The following EPM2A variants were observed in gnomAD, a reference collection of about 807,000 sequenced individuals.
The protein encoded by EPM2A is laforin.
EPM2A carries 21 observed loss-of-function variants against 26.5 expected under a neutral mutation model. That is an observed-to-expected ratio of 0.79 (90% CI 0.56 to 1.14). The LOEUF (loss-of-function observed/expected upper bound fraction) is 1.14, where lower values mean the gene tolerates loss of function less well. Ranked by LOEUF, EPM2A falls within the 50% of genes most tolerant of loss-of-function variation. The pLI, the probability that EPM2A is intolerant of heterozygous loss-of-function variation, is 0.00. For synonymous variants in EPM2A, 217 were observed against 177.6 expected, an observed-to-expected ratio of 1.22 and a Z score of -1.76; for missense variants, 458 against 440.8, an observed-to-expected ratio of 1.04 and a Z score of -0.35.
At chr6:145,578,194 G>C (rs1357971308) in intron 2 of EPM2A, among the ~76,000 whole-genome samples, 1 of 151,874 alleles carries the variant, frequency 6.6e-6, no homozygotes, top group Non-Finnish European at 1.5e-5. Context: ...AAATAATAAA[G>C]GTCAGTGCAG....
chr6:145,699,129 G>C (rs1781775841), intron 1 of EPM2A, among the ~76,000 whole-genome samples: 1 of 152,266 alleles, frequency 6.6e-6, no homozygotes, highest in South Asian at 2.1e-4. Flanking sequence ...TTGAGAGCTT[G>C]TTATGTATCC....
At chr6:145,418,183 C>G (rs557195655) in intron 4 of EPM2A, among the ~76,000 whole-genome samples, 2 of 152,310 alleles carry the variant, frequency 1.3e-5, no homozygotes, top group African/African-American at 4.8e-5. Flanking sequence ...CACCACTAAT[C>G]TACTGCACAC....
At chr6:145,501,322 A>G (rs1779886766), downstream of EPM2A, among the ~76,000 whole-genome samples, 1 of 152,224 alleles carries the variant, frequency 6.6e-6, no homozygotes, top group Non-Finnish European at 1.5e-5. Flanking sequence ...TGGTGGCATC[A>G]CAGAATGTTG....
At chr6:145,515,774 A>T (rs1447947730) in intron 2 of EPM2A, among the ~76,000 whole-genome samples, 2 of 152,224 alleles carry the variant, frequency 1.3e-5, no homozygotes, top group African/African-American at 4.8e-5. Flanking sequence ...TAACTAAATT[A>T]GACTAGAGCC....
Position 145,625,615 on chromosome 6 carries a change from T to A in EPM2A, c.*1801A>T. On this transcript the variant is annotated 3_prime_UTR_variant, in exon 4 of 4. Transcript: ENST00000367519. ...TGTAAATGAGTTACCTGAATACCAA[T>A]TATTACCTCTAGTTATTTTTAGCAA... The A allele has an allele frequency of 1.4e-6, 1 of 717,816 alleles. No homozygotes were observed. The highest frequency in any genetic ancestry group is 1.5e-5 in the South Asian group (1 of 67,486). 44.5% of individuals were successfully genotyped at this position (717,816 alleles called of 1,614,324 possible).
At chr6:145,668,081 G>A (rs1176752728) in intron 2 of EPM2A, among the ~76,000 whole-genome samples, 2 of 149,804 alleles carry the variant, frequency 1.3e-5, no homozygotes, top group African/African-American at 2.5e-5. Flanking sequence ...GAGTTAGTGG[G>A]TGCAGCGCAC....
At chr6:145,578,498 A>G (rs1781067608) in intron 2 of EPM2A, among the ~76,000 whole-genome samples, 2 of 152,166 alleles carry the variant, frequency 1.3e-5, no homozygotes, top group African/African-American at 4.8e-5. Flanking sequence ...ATGAAGAAAT[A>G]GAAAACCTGA....
intron 1 of EPM2A, 73 bp downstream of exon 1, chr6:145,735,125 G>A (rs1424320596): frequency 2.5e-6 from 3 of 1,213,840 alleles, no homozygotes; most frequent in Non-Finnish European, 1.1e-6. Flanking sequence ...GCCTGCCCGA[G>A]GCCGAGGCCC....
intron 3 of EPM2A, 160 bp from the exon 4 acceptor site, chr6:145,627,853 C>T: frequency 9.7e-7 from 1 of 1,027,908 alleles, no homozygotes; most frequent in Non-Finnish European, 1.4e-6. Context: ...AAAGTGAGAC[C>T]ATTTTACAAT....
chr6:145,656,025 G>A lies in EPM2A; in HGVS notation c.477-20539C>T, dbSNP rs575754101. ...CTATTTTTTCTGCAAGATTTGAAAC[G>A]GAAATGTTCAGAGCAAGTCAAAAAA... On this transcript the variant is annotated intron_variant, in intron 2 of 3. Coordinates refer to ENST00000367519, the MANE Select transcript of EPM2A (RefSeq NM_005670.4). Among the ~76,000 whole-genome samples the A allele has an allele frequency of 8.0e-4, 121 of 152,176 alleles. 1 individual carries two copies. The highest frequency in any genetic ancestry group is 2.4e-3 in the Admixed American group (37 of 15,282).
chr6:145,445,658 CA>C (rs2114704489), intron 4 of EPM2A, among the ~76,000 whole-genome samples: 1 of 152,276 alleles, frequency 6.6e-6, no homozygotes, highest in South Asian at 2.1e-4. Context: ...TTGATTATGA[CA>C]GTTCTGACCT....
intron 2 of EPM2A, among the ~76,000 whole-genome samples, chr6:145,610,095 A>G (rs939861686): frequency 6.6e-6 from 1 of 151,970 alleles, no homozygotes; most frequent in Non-Finnish European, 1.5e-5. Context: ...CGCGCCTGTA[A>G]TCCCAGCTAC....
chr6:145,599,746 G>A (rs943490727), intron 2 of EPM2A, among the ~76,000 whole-genome samples: 4 of 151,860 alleles, frequency 2.6e-5, no homozygotes, highest in African/African-American at 9.7e-5. Context: ...AGAGTCCTTT[G>A]AGCATGGATT....
At chr6:145,448,663 C>T (rs1779155290) in intron 4 of EPM2A, among the ~76,000 whole-genome samples, 1 of 152,080 alleles carries the variant, frequency 6.6e-6, no homozygotes, top group Admixed American at 6.5e-5. Flanking sequence ...ACAGCTAGAC[C>T]ATAAGCCAAC....
chr6:145,646,137 C>G (rs1196735271), intron 2 of EPM2A, among the ~76,000 whole-genome samples: 1 of 152,054 alleles, frequency 6.6e-6, no homozygotes, highest in Non-Finnish European at 1.5e-5. Flanking sequence ...TGTTGTTTCA[C>G]TGACAATTTA....
intron 4 of EPM2A, among the ~76,000 whole-genome samples, chr6:145,417,392 G>A (rs1317305133): frequency 2.0e-5 from 3 of 152,170 alleles, no homozygotes; most frequent in African/African-American, 7.2e-5. Flanking sequence ...ATCTCAGGCA[G>A]TTGGTTTGTC....
At chr6:145,449,429 C>T (rs1303146632) in intron 4 of EPM2A, among the ~76,000 whole-genome samples, 1 of 152,094 alleles carries the variant, frequency 6.6e-6, no homozygotes, top group Non-Finnish European at 1.5e-5. Flanking sequence ...GACAGAGATC[C>T]GTCAACTTGT....
At chr6:145,572,456 G>T (rs527348763) in intron 2 of EPM2A, among the ~76,000 whole-genome samples, 2 of 152,164 alleles carry the variant, frequency 1.3e-5, no homozygotes, top group African/African-American at 4.8e-5. Flanking sequence ...GATGATGGAT[G>T]CTGCTGTGCA....
intron 4 of EPM2A, among the ~76,000 whole-genome samples, chr6:145,388,913 T>C (rs1405747888): frequency 1.3e-5 from 2 of 152,192 alleles, no homozygotes; most frequent in Admixed American, 1.3e-4. Flanking sequence ...CAGTCTGTCA[T>C]TGATGGGCTT....
Sources: allele counts gnomAD v4.1 joint callset (sites outside exome capture counted in the v4.1 genomes callset), GRCh38; gene constraint gnomAD v4.1.1; transcripts MANE v1.5; gene names NCBI Gene and HGNC (gene_info 2026-07-23, HGNC 2026-07-21).